The following TTC39C variants were observed in gnomAD, a reference collection of about 807,000 sequenced individuals.
TTC39C encodes the protein tetratricopeptide repeat domain 39C.
A neutral mutation model predicts 76.3 loss-of-function variants in TTC39C; 33 were observed. That is an observed-to-expected ratio of 0.43 (90% CI 0.33 to 0.58). TTC39C has a LOEUF of 0.58. Ranked by LOEUF, TTC39C falls within the 20% of genes least tolerant of loss-of-function variation. The probability of loss-of-function intolerance (pLI) is 0.04; values close to 1 mark genes in which losing one functional copy is unlikely to be tolerated. For missense variants in TTC39C, 595 were observed against 701.4 expected (o/e 0.85, Z 1.71); for synonymous variants, 254 against 260.6 (o/e 0.97, Z 0.24).
intron 8 of TTC39C, among the ~76,000 whole-genome samples, chr18:24,121,616 A>G (rs939443159): frequency 6.6e-5 from 10 of 152,290 alleles, no homozygotes; most frequent in African/African-American, 2.2e-4. Flanking sequence ...TGCAAGAGAA[A>G]TAGGTGGTGT....
intron 1 of TTC39C, among the ~76,000 whole-genome samples, chr18:24,052,017 AAATAGT>A (rs1373566919): frequency 6.6e-6 from 1 of 152,220 alleles, no homozygotes; most frequent in Non-Finnish European, 1.5e-5. Context: ...CACAAATATC[AAATAGT>A]AATAAATGCT....
chr18:24,086,467 T>C (rs1182065230), intron 6 of TTC39C, among the ~76,000 whole-genome samples: 1 of 152,174 alleles, frequency 6.6e-6, no homozygotes, highest in Non-Finnish European at 1.5e-5. Flanking sequence ...AGAGTGAATA[T>C]AGGAGGATTT....
intron 1 of TTC39C, among the ~76,000 whole-genome samples, chr18:24,006,884 C>T (rs1421458783): frequency 6.6e-6 from 1 of 152,134 alleles, no homozygotes; most frequent in African/African-American, 2.4e-5. Flanking sequence ...ATGAGCTTCT[C>T]TAGGGCAGGG....
chr18:24,130,240 T>C, intron 11 of TTC39C, 73 bp from the exon 12 acceptor site: 1 of 666,364 alleles, frequency 1.5e-6, no homozygotes, highest in Non-Finnish European at 2.5e-6. Flanking sequence ...TCCCGCCCCC[T>C]CTTGAAGATT....
rs555476981 is a variant in TTC39C at position 24,102,971 on chromosome 18, G to T, written c.985-11583G>T. Among the ~76,000 whole-genome samples the T allele has an allele frequency of 2.0e-5, 3 of 152,230 alleles. No individual in the cohort carries two copies. In the South Asian group the frequency reaches 6.2e-4, roughly 32 times the overall value. On this transcript the variant is annotated intron_variant, in intron 6 of 13. Transcript: ENST00000317571. ...AAAATACAAAAATTAGCCAGGTGTGGTGTGCACATAGTCCCACCTATTTGG... is the reference window on the plus strand; with the variant it reads ...AAAATACAAAAATTAGCCAGGTGTGTTGTGCACATAGTCCCACCTATTTGG...
chr18:24,061,129 C>T (rs1440070519), intron 1 of TTC39C, among the ~76,000 whole-genome samples: 1 of 151,358 alleles, frequency 6.6e-6, no homozygotes, highest in African/African-American at 2.4e-5. Flanking sequence ...TTTCTTCTTC[C>T]CTATTCCCCT....
intron 4 of TTC39C, among the ~76,000 whole-genome samples, chr18:24,078,931 A>G (rs567903785): frequency 2.6e-5 from 4 of 152,224 alleles, no homozygotes; most frequent in African/African-American, 9.6e-5. Flanking sequence ...GAAGGATAGC[A>G]GTCAGGCCTG....
intron 4 of TTC39C, among the ~76,000 whole-genome samples, chr18:24,077,610 G>A (rs527557205): frequency 1.9e-4 from 29 of 152,238 alleles, no homozygotes; most frequent in African/African-American, 5.5e-4. Context: ...GTTCTTTGGC[G>A]TTCCTCAGGT....
At chr18:24,079,335 G>A (rs1460967860) in intron 4 of TTC39C, among the ~76,000 whole-genome samples, 1 of 152,192 alleles carries the variant, frequency 6.6e-6, no homozygotes, top group Non-Finnish European at 1.5e-5. Context: ...CCTAGGAGGA[G>A]TGGTCAACAG....
chr18:24,046,717 C>G (rs987674469), intron 1 of TTC39C, among the ~76,000 whole-genome samples: 4 of 151,754 alleles, frequency 2.6e-5, no homozygotes, highest in Non-Finnish European at 4.4e-5. Context: ...CTATATTCTT[C>G]TTAGGATAGA....
chr18:24,120,729 T>G (rs2145818922), intron 8 of TTC39C, among the ~76,000 whole-genome samples: 1 of 152,320 alleles, frequency 6.6e-6, no homozygotes, highest in Middle Eastern at 3.4e-3. Context: ...GTTACCACGC[T>G]TCTACTTCCT....
intron 6 of TTC39C, among the ~76,000 whole-genome samples, chr18:24,101,386 AT>A (rs1436564585): frequency 1.3e-5 from 2 of 151,396 alleles, no homozygotes; most frequent in East Asian, 3.9e-4. Context: ...GGCGGGCGTT[AT>A]CACCAGGTCA....
At chr18:24,073,735 G>T (rs770888013) in intron 4 of TTC39C, among the ~76,000 whole-genome samples, 3 of 152,124 alleles carry the variant, frequency 2.0e-5, no homozygotes, top group Admixed American at 6.5e-5. Flanking sequence ...GCCCAGGCAG[G>T]TCTTGAACTC....
intron 1 of TTC39C, among the ~76,000 whole-genome samples, chr18:24,018,366 C>A (rs991228958): frequency 3.0e-5 from 4 of 131,686 alleles, no homozygotes; most frequent in African/African-American, 1.0e-4. Flanking sequence ...TCTAGTCTAG[C>A]AGCAGTCGCT....
intron 6 of TTC39C, among the ~76,000 whole-genome samples, chr18:24,109,176 C>CAAAAAAAAAAAAAA (rs35872928): frequency 3.0e-4 from 22 of 73,862 alleles, no homozygotes; most frequent in East Asian, 1.2e-3. Flanking sequence ...CCCGTCTCTA[C>CAAAAAAAAAAAAAA]AAAAAAAAAA....
At chr18:23,996,888 T>C (rs1198419488) in intron 1 of TTC39C, among the ~76,000 whole-genome samples, 1 of 151,830 alleles carries the variant, frequency 6.6e-6, no homozygotes, top group Non-Finnish European at 1.5e-5. Flanking sequence ...GGTGGGTGGA[T>C]CACAAGGTCA....
chr18:24,123,386 TTTG>T (rs986289037), intron 8 of TTC39C, among the ~76,000 whole-genome samples: 1 of 23,866 alleles, frequency 4.2e-5, no homozygotes, highest in Non-Finnish European at 2.9e-3. Flanking sequence ...CAGTCTTTTT[TTTG>T]TTTGTTTGTT....
chr18:24,054,623 T>C (rs1369431216), intron 1 of TTC39C, among the ~76,000 whole-genome samples: 1 of 152,224 alleles, frequency 6.6e-6, no homozygotes, highest in African/African-American at 2.4e-5. Context: ...AGAACTTTTG[T>C]TTTCACATTA....
chr18:24,016,461 G>A (rs1306659687), intron 1 of TTC39C, among the ~76,000 whole-genome samples: 1 of 152,182 alleles, frequency 6.6e-6, no homozygotes, highest in Non-Finnish European at 1.5e-5. Flanking sequence ...GAGAAGGATG[G>A]AGATAGTTGT....
Sources: gnomAD v4.1 joint callset for allele counts (sites outside exome capture counted in the v4.1 genomes callset) on GRCh38, gnomAD v4.1.1 for gene constraint, MANE v1.5 for transcripts, NCBI Gene and HGNC (gene_info 2026-07-23, HGNC 2026-07-21) for gene names.